Variants in PHOX2B observed in about 807,000 individuals in gnomAD.
PHOX2B encodes the protein paired like homeobox 2B, also known as paired mesoderm homeobox protein 2B.
Under a neutral mutation model 15.5 loss-of-function variants are expected in PHOX2B, and 1 was observed. The observed-to-expected ratio is 0.06, with a 90% CI of 0.02 to 0.31. The LOEUF (loss-of-function observed/expected upper bound fraction) is 0.31. Ranked by LOEUF, PHOX2B falls within the 10% of genes least tolerant of loss-of-function variation. The pLI, the probability that PHOX2B is intolerant of heterozygous loss-of-function variation, is 1.00. For synonymous variants in PHOX2B, 206 were observed against 190.5 expected (o/e 1.08, Z -0.67); for missense variants, 314 against 436.4 (o/e 0.72, Z 2.50).
intron 1 of PHOX2B, 100 bp from the exon 2 acceptor site, chr4:41,747,636 G>T (rs1733954096): frequency 1.0e-6 from 1 of 961,972 alleles, no homozygotes; most frequent in Non-Finnish European, 1.7e-6. Flanking sequence ...TCATACGGCA[G>T]CCGCTACCTA....
Position 41,745,136 on chromosome 4 carries a change from C to G in PHOX2B, c.*671G>C, listed in dbSNP as rs924355363. 2.4e-4 allele frequency: 57 copies of G among 232,694 alleles called. No individual in the cohort carries two copies. The highest frequency in any genetic ancestry group is 4.0e-4 in the Non-Finnish European group (47 of 117,940). 14.4% of individuals were successfully genotyped at this position (232,694 alleles called of 1,614,324 possible). ...GGGGGGCTGGAACGGCGTCCCTACT[C>G]TTCCCTGAAGAAGAGCCCCAAGAGA... is the stretch of plus-strand genomic sequence containing the variant. On this transcript the variant is annotated 3_prime_UTR_variant, in exon 3 of 3. Coordinates refer to ENST00000226382, the MANE Select transcript of PHOX2B (RefSeq NM_003924.4). This position sits in a 1 kb window ranked among gnomAD's most constrained non-coding sequence, Gnocchi z 4.0.
In PHOX2B at chr4:41,744,196, T is replaced by C. The variant is rs557759101; in HGVS notation, c.*1611A>G. The C allele has an allele frequency of 3.8e-5, 8 of 208,020 alleles. No individual in the cohort carries two copies. In the South Asian group the frequency reaches 1.5e-3, roughly 39 times the overall value. 12.9% of individuals were successfully genotyped at this position (208,020 alleles called of 1,614,324 possible). ...AAATAGAAGCATTCATTATAACACA[T>C]ATAAATAAATTCAAAAATCTGAAAC... On this transcript the variant is annotated 3_prime_UTR_variant, in exon 3 of 3. Coordinates refer to ENST00000226382, the MANE Select transcript of PHOX2B (RefSeq NM_003924.4).
Position 41,745,725 on chromosome 4 carries a change from G to A in PHOX2B, c.*82C>T. The A allele has an allele frequency of 6.6e-7, 1 of 1,519,600 alleles. No individual in the cohort carries two copies. The highest frequency in any genetic ancestry group is 8.9e-7 in the Non-Finnish European group (1 of 1,128,812). 94.1% of individuals were successfully genotyped at this position (1,519,600 alleles called of 1,614,324 possible). A position where few individuals can be genotyped will look rare whatever the true frequency, so the allele number is the denominator to read the frequency against. ...GGCAGCAGCGACGACAATAGCCTTGGGCCTACCCGCTCGCCCACTCGCCCG... is the reference window on the plus strand; with the variant it reads ...GGCAGCAGCGACGACAATAGCCTTGAGCCTACCCGCTCGCCCACTCGCCCG... On this transcript the variant is annotated 3_prime_UTR_variant, in exon 3 of 3. Transcript: ENST00000226382. This position sits in a 1 kb window ranked among gnomAD's most constrained non-coding sequence, Gnocchi z 4.0.
chr4:41,745,678 A>G lies in PHOX2B; in HGVS notation c.*129T>C, dbSNP rs1733859568. ...CCTTTATTCTTAGCGCGATTACTTT[A>G]GGCCCTCAATGAAAAAGCCATGGCA... is the stretch of plus-strand genomic sequence containing the variant. On this transcript the variant is annotated 3_prime_UTR_variant, in exon 3 of 3. Transcript: ENST00000226382. This position sits in a 1 kb window ranked among gnomAD's most constrained non-coding sequence, Gnocchi z 4.0. 8.5e-7 allele frequency: 1 copy of G among 1,175,084 alleles called. No homozygotes were observed. Among genetic ancestry groups the G allele is most frequent in the East Asian group, 2.7e-5 (1 of 36,566 alleles). The allele number at this position is 1,175,084 out of a possible 1,614,324, so 72.8% of individuals were successfully genotyped here.
At chr4:41,747,230 T>C (rs536966714) in intron 2 of PHOX2B, 119 bp downstream of exon 2, 2 of 793,070 alleles carry the variant, frequency 2.5e-6, no homozygotes, top group East Asian at 5.1e-5. Flanking sequence ...TGATCGGCCA[T>C]GGGGCCCTAG....
At position 41,746,068 on chromosome 4, in the gene PHOX2B, C is replaced by A; in HGVS notation, c.684G>T (p.Gly228=). 1.4e-6 allele frequency: 2 copies of A among 1,406,130 alleles called. No individual in the cohort carries two copies. The highest frequency in any genetic ancestry group is 9.2e-7 in the Non-Finnish European group (1 of 1,087,668). The allele number at this position is 1,406,130 out of a possible 1,614,324, so 87.1% of individuals were successfully genotyped here. ...PSPAGAPGAA[G]PGGPGGEPGK... ...CGGGTTCGCCTCCCGGGCCCCCGGG[C>A]CCCGCCGCCCCCGGAGCTCCAGCCG... is the stretch of plus-strand genomic sequence containing the variant. Residue 228 remains glycine (G), a synonymous_variant, in exon 3 of 3, where the codon GGG becomes GGT. Transcript: ENST00000226382.
Position 41,745,267 on chromosome 4 carries a change from CT to C in PHOX2B, c.*539del. 4.3e-6 allele frequency: 1 copy of C among 233,498 alleles called. No homozygotes were observed. The allele number at this position is 233,498 out of a possible 1,614,324, so 14.5% of individuals were successfully genotyped here. A position where few individuals can be genotyped will look rare whatever the true frequency, so the allele number is the denominator to read the frequency against. ...CCTCCTTTAATTTGTCTTTTTTTTC[CT>C]TATGTTTTTTAAACCTTTCTGGGTT... On this transcript the variant is annotated 3_prime_UTR_variant, in exon 3 of 3. Transcript: ENST00000226382. This position sits in a 1 kb window ranked among gnomAD's most constrained non-coding sequence, Gnocchi z 4.0.
intron 2 of PHOX2B, among the ~76,000 whole-genome samples, chr4:41,746,950 T>G (rs866222639): frequency 3.1e-4 from 47 of 151,270 alleles, no homozygotes; most frequent in Middle Eastern, 3.4e-3. Flanking sequence ...TGAACCTATA[T>G]GCCATGGGGC....
chr4:41,745,850 G>T lies in PHOX2B; in HGVS notation c.902C>A (p.Pro301His), dbSNP rs1397296870. The T allele has an allele frequency of 6.2e-7, 1 of 1,609,984 alleles. No homozygotes were observed. Among genetic ancestry groups the T allele is most frequent in the Non-Finnish European group, 8.5e-7 (1 of 1,178,272 alleles). ...CACTAAGGCGGCTTTGGCACCGTTG[G>T]GTCTTTGGAGCGAAGATAGGACGCT... Reference protein sequence around the residue: ...FASVLSSLQRPNGAKAALVKS... With the variant: ...FASVLSSLQRHNGAKAALVKS... The change falls in exon 3 of 3, where the codon CCC becomes CAC. Residue 301 changes from proline (P) to histidine (H), a missense_variant. Pro to His is a moderately conservative substitution (Grantham distance 77). Around this residue, in one of 7 missense-constraint regions of PHOX2B, gnomAD observed 157 missense variants for 169.0 expected, o/e 0.93. Coordinates refer to ENST00000226382, the MANE Select transcript of PHOX2B (RefSeq NM_003924.4). This position sits in a 1 kb window ranked among gnomAD's most constrained non-coding sequence, Gnocchi z 4.0.
intron 1 of PHOX2B, 113 bp downstream of exon 1, chr4:41,748,257 G>T (rs1733975746): frequency 1.6e-6 from 2 of 1,213,642 alleles, no homozygotes; most frequent in Non-Finnish European, 1.2e-6. Context: ...ATTTGTGTAA[G>T]CAAATTTCGT....
In PHOX2B at chr4:41,744,701, T is replaced by G. The variant is rs1194733140; in HGVS notation, c.*1106A>C. Reference sequence around the variant, plus strand: ...AAACCGAGACACCCCTGCAAACGTGTGTGTGTGCCTTTTCCTTGCTCGGTA... The same window carrying G: ...AAACCGAGACACCCCTGCAAACGTGGGTGTGTGCCTTTTCCTTGCTCGGTA... On this transcript the variant is annotated 3_prime_UTR_variant, in exon 3 of 3. Transcript: ENST00000226382. 1 of 233,180 alleles carries G rather than the reference T, an allele frequency of 4.3e-6. No individual in the cohort carries two copies. Among genetic ancestry groups the G allele is most frequent in the Non-Finnish European group, 8.5e-6 (1 of 117,970 alleles). The allele number at this position is 233,180 out of a possible 1,614,324, so 14.4% of individuals were successfully genotyped here.
chr4:41,747,926 A>C (rs888936438), intron 1 of PHOX2B, among the ~76,000 whole-genome samples: 4 of 152,014 alleles, frequency 2.6e-5, no homozygotes, highest in African/African-American at 9.7e-5. Context: ...ATTCTCAGAA[A>C]GTTGACCCGG....
chr4:41,747,739 C>T, intron 1 of PHOX2B: 2 of 697,496 alleles, frequency 2.9e-6, no homozygotes, highest in South Asian at 3.0e-5. Flanking sequence ...TCGGGCTTGG[C>T]GGAGTCCTTT....
At chr4:41,747,294 C>T in intron 2 of PHOX2B, 55 bp downstream of exon 2, 1 of 1,476,366 alleles carries the variant, frequency 6.8e-7, no homozygotes, top group Non-Finnish European at 9.4e-7. Flanking sequence ...GCCCCTCACC[C>T]CACACCTCCC....
At position 41,745,581 on chromosome 4, in the gene PHOX2B, A is replaced by C; in HGVS notation, c.*226T>G. 5.3e-5 allele frequency: 26 copies of C among 491,892 alleles called. No homozygotes were observed. Among genetic ancestry groups the C allele is most frequent in the Non-Finnish European group, 6.7e-5 (19 of 284,254 alleles). 30.5% of individuals were successfully genotyped at this position (491,892 alleles called of 1,614,324 possible). A position where few individuals can be genotyped will look rare whatever the true frequency, so the allele number is the denominator to read the frequency against. ...CCCCAGGCAGGTGCGAAGCCAGGGAAGTTTGTTTGTTTTGTTTGGGGGTTG... is the reference window on the plus strand; with the variant it reads ...CCCCAGGCAGGTGCGAAGCCAGGGACGTTTGTTTGTTTTGTTTGGGGGTTG... On this transcript the variant is annotated 3_prime_UTR_variant, in exon 3 of 3. Transcript: ENST00000226382. The surrounding 1 kb of genome is among the most constrained non-coding windows in gnomAD (Gnocchi z 4.0).
rs1036904128 is a variant in PHOX2B, at chr4:41,745,573, G to C, written c.*234C>G. The C allele has an allele frequency of 1.2e-5, 6 of 508,664 alleles. No homozygotes were observed. The highest frequency in any genetic ancestry group is 2.0e-5 in the Non-Finnish European group (6 of 295,174). 31.5% of individuals were successfully genotyped at this position (508,664 alleles called of 1,614,324 possible). On this transcript the variant is annotated 3_prime_UTR_variant, in exon 3 of 3. Coordinates refer to ENST00000226382, the MANE Select transcript of PHOX2B (RefSeq NM_003924.4). The surrounding 1 kb of genome is among the most constrained non-coding windows in gnomAD (Gnocchi z 4.0). ...CTGCGAGGCCCCAGGCAGGTGCGAA[G>C]CCAGGGAAGTTTGTTTGTTTTGTTT...
chr4:41,746,560 C>T (rs990614741), intron 2 of PHOX2B, among the ~76,000 whole-genome samples: 2 of 152,134 alleles, frequency 1.3e-5, no homozygotes, highest in Admixed American at 6.5e-5. Flanking sequence ...AGGCTTGCGG[C>T]AGAGTTTAAA....
At chr4:41,746,809 AC>A (rs1328771224) in intron 2 of PHOX2B, among the ~76,000 whole-genome samples, 1 of 152,178 alleles carries the variant, frequency 6.6e-6, no homozygotes, top group Non-Finnish European at 1.5e-5. Flanking sequence ...TCGGGGGCTC[AC>A]CCAGAGAGGC....
At chr4:41,747,263 G>A in intron 2 of PHOX2B, 86 bp downstream of exon 2, 6 of 1,120,664 alleles carry the variant, frequency 5.4e-6, no homozygotes, top group Non-Finnish European at 6.7e-6. Context: ...CGAGGCTCCA[G>A]GACTTCGAAT....
Sources: gnomAD v4.1 joint callset for allele counts (sites outside exome capture counted in the v4.1 genomes callset) on GRCh38, gnomAD v4.1.1 for gene constraint, gnomAD v4.1.1 regional missense constraint, Gnocchi (gnomAD v3.1) non-coding constraint, MANE v1.5 for transcripts, NCBI Gene and HGNC (gene_info 2026-07-23, HGNC 2026-07-21) for gene names.